SGCD: variants seen among roughly 807,000 people sequenced by gnomAD.
SGCD encodes the protein delta-sarcoglycan.
A neutral mutation model predicts 36.6 loss-of-function variants in SGCD; 18 were observed. The observed-to-expected ratio is 0.49, with a 90% CI of 0.34 to 0.73. The LOEUF (loss-of-function observed/expected upper bound fraction) is 0.73, where lower values mean the gene tolerates loss of function less well. Ranked by LOEUF, SGCD falls within the 30% of genes least tolerant of loss-of-function variation. The probability of loss-of-function intolerance (pLI) is 0.01; values close to 1 mark genes in which losing one functional copy is unlikely to be tolerated. For synonymous variants in SGCD, 133 were observed against 130.6 expected (o/e 1.02, Z -0.12); for missense variants, 387 against 346.7 (o/e 1.12, Z -0.92).
chr5:156,187,830 TG>T (rs1156951346), intron 3 of SGCD, among the ~76,000 whole-genome samples: 2 of 152,170 alleles, frequency 1.3e-5, no homozygotes, highest in Non-Finnish European at 2.9e-5. Context: ...TTTAAATCAG[TG>T]ATTTTCCAAC....
At chr5:156,614,487 A>G (rs1311884470) in intron 6 of SGCD, among the ~76,000 whole-genome samples, 2 of 152,132 alleles carry the variant, frequency 1.3e-5, no homozygotes, top group African/African-American at 4.8e-5. Flanking sequence ...TGGCTACTGG[A>G]TGCTCCACTA....
At chr5:156,136,960 T>A (rs1380327717) in intron 3 of SGCD, among the ~76,000 whole-genome samples, 1 of 152,096 alleles carries the variant, frequency 6.6e-6, no homozygotes, top group African/African-American at 2.4e-5. Context: ...AAGAAACCAC[T>A]CAGTAAAGGT....
chr5:156,432,891 T>G (rs545789479), intron 3 of SGCD, among the ~76,000 whole-genome samples: 1 of 152,276 alleles, frequency 6.6e-6, no homozygotes, highest in East Asian at 1.9e-4. Context: ...GAAGCTTCCT[T>G]GCAGAGATAA....
chr5:155,896,567 G>A (rs887892563), intron 1 of SGCD, among the ~76,000 whole-genome samples: 1 of 151,738 alleles, frequency 6.6e-6, no homozygotes, highest in East Asian at 1.9e-4. Context: ...GATTGCTTGA[G>A]CATTGGAGGT....
chr5:156,528,916 C>T (rs2113086501), intron 4 of SGCD, among the ~76,000 whole-genome samples: 1 of 152,296 alleles, frequency 6.6e-6, no homozygotes, highest in South Asian at 2.1e-4. Flanking sequence ...ATTTCAAGAA[C>T]ATCCCAGCTG....
chr5:156,581,647 C>T (rs917846264), intron 4 of SGCD, among the ~76,000 whole-genome samples: 1 of 152,204 alleles, frequency 6.6e-6, no homozygotes, highest in Non-Finnish European at 1.5e-5. Context: ...CCACCCCCTG[C>T]CAGGCTGCTG....
intron 1 of SGCD, among the ~76,000 whole-genome samples, chr5:155,954,605 T>C (rs1426862944): frequency 1.3e-5 from 2 of 150,982 alleles, no homozygotes; most frequent in Non-Finnish European, 2.9e-5. Context: ...AATATAAAAC[T>C]TGCAAGGCAT....
chr5:156,184,367 G>C (rs1038306468), intron 3 of SGCD, among the ~76,000 whole-genome samples: 2 of 118,890 alleles, frequency 1.7e-5, no homozygotes, highest in Non-Finnish European at 3.4e-5. Flanking sequence ...CTGACAAGCA[G>C]CCAGTTTTTT....
intron 7 of SGCD, among the ~76,000 whole-genome samples, chr5:156,667,040 A>C (rs1753074567): frequency 6.6e-6 from 1 of 152,132 alleles, no homozygotes; most frequent in Admixed American, 6.6e-5. Context: ...CTAAAATTGA[A>C]AACTTTTTGA....
At chr5:156,211,202 C>A (rs1298998174) in intron 3 of SGCD, among the ~76,000 whole-genome samples, 2 of 152,038 alleles carry the variant, frequency 1.3e-5, no homozygotes, top group African/African-American at 4.8e-5. Context: ...CTTTACCTGG[C>A]AAAGCTGTTT....
chr5:155,946,220 C>G (rs7731978), intron 1 of SGCD, among the ~76,000 whole-genome samples: 74,254 of 151,950 alleles, frequency 0.49, 19,401 homozygotes, highest in Non-Finnish European at 0.59. Flanking sequence ...GAGTCATAGG[C>G]AATGTGTTAG....
chr5:156,509,424 C>CA (rs796792343), intron 4 of SGCD, among the ~76,000 whole-genome samples: 48 of 149,138 alleles, frequency 3.2e-4, no homozygotes, highest in African/African-American at 7.6e-4. Context: ...GGCTCCATCT[C>CA]AAAAAAAAAA....
chr5:155,793,373 A>T, the SGCD span, among the ~76,000 whole-genome samples: 1 of 152,160 alleles, frequency 6.6e-6, no homozygotes, highest in East Asian at 1.9e-4. Flanking sequence ...ACAAACCTGC[A>T]CATGTACCCC....
chr5:156,046,863 G>C (rs563976349), intron 1 of SGCD, among the ~76,000 whole-genome samples: 2 of 152,150 alleles, frequency 1.3e-5, no homozygotes, highest in Non-Finnish European at 2.9e-5. Context: ...AGCAAGGAAG[G>C]CATGTCTAAA....
intron 6 of SGCD, among the ~76,000 whole-genome samples, chr5:156,618,277 C>T (rs968883076): frequency 6.6e-5 from 10 of 152,162 alleles, no homozygotes; most frequent in Non-Finnish European, 1.0e-4. Context: ...TCCCAGTTAT[C>T]GTTAGCAGAG....
At chr5:156,386,761 A>G (rs1771296859) in intron 3 of SGCD, among the ~76,000 whole-genome samples, 1 of 152,242 alleles carries the variant, frequency 6.6e-6, no homozygotes, top group Non-Finnish European at 1.5e-5. Flanking sequence ...GATGGGGCAC[A>G]AGTGTTGGCT....
intron 3 of SGCD, among the ~76,000 whole-genome samples, chr5:156,451,803 A>G (rs1419054221): frequency 1.1e-4 from 16 of 152,182 alleles, no homozygotes; most frequent in Non-Finnish European, 2.1e-4. Context: ...CTGAGAAGTT[A>G]TTGACATACT....
intron 7 of SGCD, among the ~76,000 whole-genome samples, chr5:156,731,303 AT>A (rs1203276775): frequency 6.6e-6 from 1 of 151,992 alleles, no homozygotes; most frequent in African/African-American, 2.4e-5. Flanking sequence ...TCATCATTAA[AT>A]CTTTGCCCAT....
the SGCD span, among the ~76,000 whole-genome samples, chr5:155,806,245 C>G: frequency 6.6e-6 from 1 of 152,186 alleles, no homozygotes; most frequent in African/African-American, 2.4e-5. Flanking sequence ...ACCTCCGCCT[C>G]CTGGGTTCAA....
Sources: allele counts gnomAD v4.1 joint callset (sites outside exome capture counted in the v4.1 genomes callset), GRCh38; gene constraint gnomAD v4.1.1; transcripts MANE v1.5; gene names NCBI Gene and HGNC (gene_info 2026-07-23, HGNC 2026-07-21).